Variants in SP3 observed in about 807,000 individuals in gnomAD.
SP3 encodes transcription factor Sp3.
SP3 carries 10 observed loss-of-function variants against 70.3 expected under a neutral mutation model. The observed-to-expected ratio is 0.14, with a 90% CI of 0.09 to 0.24. The LOEUF (loss-of-function observed/expected upper bound fraction) is 0.24. Ranked by LOEUF, SP3 falls within the 10% of genes least tolerant of loss-of-function variation. The pLI, the probability that SP3 is intolerant of heterozygous loss-of-function variation, is 1.00. For missense variants in SP3, 825 were observed against 914.6 expected (o/e 0.90, Z 1.26); for synonymous variants, 402 against 333.5 (o/e 1.21, Z -2.24).
At chr2:173,918,919 T>C in intron 4 of SP3, 134 bp from the exon 5 acceptor site, 1 of 717,116 alleles carries the variant, frequency 1.4e-6, no homozygotes, top group Non-Finnish European at 2.2e-6. Context: ...GTTTTCCAGT[T>C]ATTTTGTTCC....
rs1297596159 is a variant in SP3, at chr2:173,901,192, CAAGAT to C, written c.*8744_*8748del. Among the ~76,000 whole-genome samples the C allele has an allele frequency of 1.8e-5, 2 of 108,632 alleles. No homozygotes were observed. The highest frequency in any genetic ancestry group is 3.1e-5 in the African/African-American group (1 of 32,292). The allele number at this position is 108,632 out of a possible 152,430, so 71.3% of individuals were successfully genotyped here. A position where few individuals can be genotyped will look rare whatever the true frequency, so the allele number is the denominator to read the frequency against. Reference sequence around the variant, plus strand: ...CAAAAGTAATTTCAAAGTGAATTAACAAGATAAATAGAAAGGCAAAATCATAAAAT... The same window carrying C: ...CAAAAGTAATTTCAAAGTGAATTAACAAATAGAAAGGCAAAATCATAAAAT... On this transcript the variant is annotated 3_prime_UTR_variant, in exon 7 of 7. Transcript: ENST00000310015.
At chr2:173,933,966 T>G (rs557644658) in intron 4 of SP3, among the ~76,000 whole-genome samples, 1 of 108,814 alleles carries the variant, frequency 9.2e-6, no homozygotes, top group South Asian at 3.5e-4. Flanking sequence ...GATGTGGTGG[T>G]GTACATCTGT....
chr2:173,941,301 C>T (rs1187297620), intron 4 of SP3, among the ~76,000 whole-genome samples: 6 of 152,128 alleles, frequency 3.9e-5, no homozygotes, highest in Non-Finnish European at 7.4e-5. Context: ...ATCTTATGTA[C>T]CCTCCACAAT....
At chr2:173,939,747 A>G (rs1690307335) in intron 4 of SP3, among the ~76,000 whole-genome samples, 1 of 119,476 alleles carries the variant, frequency 8.4e-6, no homozygotes, top group Non-Finnish European at 1.7e-5. Flanking sequence ...CCTGAGCAAC[A>G]GAGCAAGACT....
chr2:173,917,754 A>G (rs1689650198), intron 5 of SP3, among the ~76,000 whole-genome samples: 2 of 152,112 alleles, frequency 1.3e-5, no homozygotes, highest in African/African-American at 4.8e-5. Flanking sequence ...TGCACAAAAA[A>G]GGGACCGTGA....
intron 4 of SP3, among the ~76,000 whole-genome samples, chr2:173,948,073 C>T (rs189599015): frequency 5.1e-4 from 78 of 152,264 alleles, no homozygotes; most frequent in Non-Finnish European, 8.5e-4. Flanking sequence ...CAAAAAAGAG[C>T]CCTACTCCAG....
At chr2:173,944,381 C>T (rs1280305254) in intron 4 of SP3, among the ~76,000 whole-genome samples, 1 of 152,004 alleles carries the variant, frequency 6.6e-6, no homozygotes, top group Non-Finnish European at 1.5e-5. Flanking sequence ...AAAAAATACA[C>T]AAGATTAGCC....
intron 4 of SP3, among the ~76,000 whole-genome samples, chr2:173,924,285 A>G (rs564008728): frequency 6.6e-6 from 1 of 152,332 alleles, no homozygotes; most frequent in Non-Finnish European, 1.5e-5. Flanking sequence ...ATACACATAC[A>G]TATGAACATA....
At chr2:173,910,368 G>A (rs766361342) in intron 6 of SP3, 111 bp from the exon 7 acceptor site, 6 of 782,276 alleles carry the variant, frequency 7.7e-6, no homozygotes, top group Non-Finnish European at 1.2e-5. Flanking sequence ...GATGGGAGCA[G>A]GGGTCTATTA....
rs575224872 is a variant in SP3 at position 173,909,998 on chromosome 2, G to A, written c.2289C>T (p.Thr763=). 2.2e-5 allele frequency: 35 copies of A among 1,613,886 alleles called. 1 individual carries two copies. In the East Asian group the frequency reaches 7.4e-4, roughly 34 times the overall value. Reference sequence around the variant, plus strand: ...CAAGCTGTAAAGGTATTTCAGTGTTGGTAAGGATATCTTGATTGCTGGTGG... The same window carrying A: ...CAAGCTGTAAAGGTATTTCAGTGTTAGTAAGGATATCTTGATTGCTGGTGG... ...TSATSNQDIL[T]NTEIPLQLVT... is the part of the protein sequence containing the mutation. The change falls in exon 7 of 7, where the codon ACC becomes ACT. Residue 763 remains threonine (T), a synonymous_variant. Coordinates refer to ENST00000310015, the MANE Select transcript of SP3 (RefSeq NM_003111.5).
intron 4 of SP3, among the ~76,000 whole-genome samples, chr2:173,948,944 T>C (rs1445834866): frequency 1.3e-5 from 2 of 152,310 alleles, no homozygotes; most frequent in African/African-American, 4.8e-5. Context: ...AGTGGTATGA[T>C]ACCTAAATAA....
upstream of SP3, chr2:173,965,659 T>C: frequency 5.6e-6 from 1 of 177,056 alleles, no homozygotes; most frequent in South Asian, 9.2e-5. Context: ...GGAGCAGGCC[T>C]AGCCAAGCTG....
chr2:173,963,926 G>A (rs1691175847), intron 2 of SP3, 43 bp from the exon 3 acceptor site: 1 of 1,374,346 alleles, frequency 7.3e-7, no homozygotes, highest in Non-Finnish European at 9.6e-7. Flanking sequence ...CAGGGGGAGG[G>A]GGTGGCGGTT....
chr2:173,954,214 AT>A (rs1553518485), intron 4 of SP3, among the ~76,000 whole-genome samples: 1 of 152,232 alleles, frequency 6.6e-6, no homozygotes, highest in Non-Finnish European at 1.5e-5. Flanking sequence ...AAACTTTATT[AT>A]TTAATTCTTA....
chr2:173,921,845 G>A (rs962824979), intron 4 of SP3, among the ~76,000 whole-genome samples: 2 of 152,136 alleles, frequency 1.3e-5, no homozygotes, highest in Non-Finnish European at 2.9e-5. Flanking sequence ...CCACTGTCTT[G>A]GCACTGTCCT....
At position 173,913,286 on chromosome 2, in the gene SP3, T is replaced by C. The variant is rs763122894; in HGVS notation, c.1833-20A>G. On this transcript the variant is annotated intron_variant, in intron 5 of 6. Coordinates refer to ENST00000310015, the MANE Select transcript of SP3 (RefSeq NM_003111.5). ...GTACCTCTAAAAAACACACATAGAA[T>C]AATATATACTTATATGAAAATATTC... The C allele has an allele frequency of 5.5e-6, 8 of 1,455,668 alleles. No individual in the cohort carries two copies. The highest frequency in any genetic ancestry group is 7.4e-6 in the Non-Finnish European group (8 of 1,086,508). The allele number at this position is 1,455,668 out of a possible 1,614,324, so 90.2% of individuals were successfully genotyped here.
At chr2:173,926,127 C>A (rs1223060146) in intron 4 of SP3, among the ~76,000 whole-genome samples, 1 of 152,144 alleles carries the variant, frequency 6.6e-6, no homozygotes, top group Non-Finnish European at 1.5e-5. Context: ...GAAATTGGAT[C>A]TTAATGTAGT....
In SP3 at chr2:173,910,030, T is replaced by A; in HGVS notation, c.2257A>T (p.Thr753Ser). Residue 753 changes from threonine to serine, a missense_variant, in exon 7 of 7, where the codon ACT (threonine) becomes TCT (serine). Thr to Ser is a moderately conservative substitution (Grantham distance 58). Transcript: ENST00000310015. ...ATATCTTGATTGCTGGTGGCGGAAGTATTAACAGTTCCTATCCCTGAAACA... is the reference window on the plus strand; with the variant it reads ...ATATCTTGATTGCTGGTGGCGGAAGAATTAACAGTTCCTATCCCTGAAACA... ...GSVSGIGTVN[T>S]SATSNQDILT... The A allele has an allele frequency of 1.2e-6, 2 of 1,613,874 alleles. No individual in the cohort carries two copies. The highest frequency in any genetic ancestry group is 1.7e-6 in the Non-Finnish European group (2 of 1,179,846).
chr2:173,943,604 T>C lies in SP3; in HGVS notation c.1639+11269A>G, dbSNP rs58879137. Reference sequence around the variant, plus strand: ...CTTCGGTATTCCAATGTGCTGGAATTAAAGGCATGAACCACTGCTCCCTGC... The same window carrying C: ...CTTCGGTATTCCAATGTGCTGGAATCAAAGGCATGAACCACTGCTCCCTGC... On this transcript the variant is annotated intron_variant, in intron 4 of 6. Coordinates refer to ENST00000310015, the MANE Select transcript of SP3 (RefSeq NM_003111.5). Among the ~76,000 whole-genome samples the C allele has an allele frequency of 6.5e-3, 988 of 152,262 alleles. 9 individuals carry two copies. The highest frequency in any genetic ancestry group is 0.023 in the African/African-American group (937 of 41,530).
Sources: gnomAD v4.1 joint callset for allele counts (sites outside exome capture counted in the v4.1 genomes callset) on GRCh38, gnomAD v4.1.1 for gene constraint, MANE v1.5 for transcripts, NCBI Gene and HGNC (gene_info 2026-07-23, HGNC 2026-07-21) for gene names.